Variants in SLC19A1 observed in about 807,000 individuals in gnomAD.
SLC19A1 encodes the protein solute carrier family 19 member 1, also known as reduced folate transporter.
A neutral mutation model predicts 35.3 loss-of-function variants in SLC19A1; 37 were observed. That is an observed-to-expected ratio of 1.05 (90% CI 0.81 to 1.38). The LOEUF is 1.38. Among genes scored for constraint, SLC19A1 ranks in the 40% most tolerant of loss-of-function variants. The pLI is 0.00. For synonymous variants in SLC19A1, 460 were observed against 398.5 expected (o/e 1.15, Z -1.84); for missense variants, 831 against 826.9 (o/e 1.00, Z -0.06).
upstream of SLC19A1, among the ~76,000 whole-genome samples, chr21:45,546,183 C>T (rs2078413841): frequency 6.6e-6 from 1 of 152,248 alleles, no homozygotes; most frequent in South Asian, 2.1e-4. Flanking sequence ...GCCGGGCCAC[C>T]GTCCTCAGCA....
chr21:45,523,006 T>C (rs894102955), intron 5 of SLC19A1, among the ~76,000 whole-genome samples: 7 of 152,186 alleles, frequency 4.6e-5, no homozygotes, highest in Admixed American at 3.9e-4. Flanking sequence ...CCCTGTATTA[T>C]TTATTAAACA....
rs2077988889 is a variant in SLC19A1, at chr21:45,533,102, C to T, written c.190-954G>A. Among the ~76,000 whole-genome samples, 1 of 152,212 alleles carries T rather than the reference C, an allele frequency of 6.6e-6. No homozygotes were observed. The highest frequency in any genetic ancestry group is 2.4e-5 in the African/African-American group (1 of 41,462). On this transcript the variant is annotated intron_variant, in intron 2 of 5. Transcript: ENST00000311124. This position sits in a 1 kb window ranked among gnomAD's most constrained non-coding sequence, Gnocchi z 4.5. ...GGGAGGGGGGCAAACGCCCCTGTAG[C>T]CGCCCTGCACCCTCCCAGGAGGGGG...
At chr21:45,559,626 C>T (rs1239640158) in intron 1 of SLC19A1, among the ~76,000 whole-genome samples, 3 of 152,162 alleles carry the variant, frequency 2.0e-5, no homozygotes, top group South Asian at 2.1e-4. Flanking sequence ...GAGCCCGGGG[C>T]GTGCGGATGG....
At chr21:45,510,316 G>A (rs1602653739), downstream of SLC19A1, 18 of 1,537,292 alleles carry the variant, frequency 1.2e-5, no homozygotes, top group East Asian at 4.4e-4. Context: ...TTGACCTCTG[G>A]GGTGAACTCC....
At chr21:45,541,890 G>T (rs1027554401) in intron 1 of SLC19A1, 1 of 152,204 alleles carries the variant, frequency 6.6e-6, no homozygotes, top group Non-Finnish European at 1.5e-5. Context: ...TGACGCGGAG[G>T]GCAGGCTGGG....
intron 3 of SLC19A1, among the ~76,000 whole-genome samples, chr21:45,503,634 T>C (rs911166223): frequency 1.1e-5 from 1 of 90,344 alleles, no homozygotes; most frequent in Non-Finnish European, 2.1e-5. Context: ...TGGGGACTGT[T>C]GTGGGGTGGG....
chr21:45,525,791 A>G (rs2077590702), intron 5 of SLC19A1, 26 bp downstream of exon 5: 1 of 1,610,898 alleles, frequency 6.2e-7, no homozygotes. Flanking sequence ...TCCATCCCCG[A>G]GGACGCAGGC....
intron 1 of SLC19A1, among the ~76,000 whole-genome samples, chr21:45,562,643 C>T (rs1042885453): frequency 5.3e-5 from 8 of 152,306 alleles, no homozygotes; most frequent in African/African-American, 1.9e-4. Context: ...GGCAGAACCA[C>T]GGTTTCCTAC....
At chr21:45,542,903 T>C (rs2078357198), upstream of SLC19A1, among the ~76,000 whole-genome samples, 1 of 148,426 alleles carries the variant, frequency 6.7e-6, no homozygotes, top group African/African-American at 2.5e-5. Flanking sequence ...GGGACGCGGG[T>C]CGGGCCCACG....
At chr21:45,538,826 C>T (rs2078216941) in intron 1 of SLC19A1, among the ~76,000 whole-genome samples, 1 of 152,170 alleles carries the variant, frequency 6.6e-6, no homozygotes, top group African/African-American at 2.4e-5. Context: ...CACCCCAGAC[C>T]ACAGGACTTC....
intron 1 of SLC19A1, among the ~76,000 whole-genome samples, chr21:45,559,622 G>A (rs549020593): frequency 2.0e-5 from 3 of 152,248 alleles, no homozygotes; most frequent in South Asian, 2.1e-4. Context: ...CCTGGAGCCC[G>A]GGGCGTGCGG....
At chr21:45,558,082 A>G (rs2078581153) in intron 1 of SLC19A1, among the ~76,000 whole-genome samples, 1 of 152,262 alleles carries the variant, frequency 6.6e-6, no homozygotes, top group Non-Finnish European at 1.5e-5. Context: ...CAGCGGCGGC[A>G]TCGTCTCCAA....
Position 45,534,554 on chromosome 21 carries a change from C to T in SLC19A1, c.190-2406G>A, listed in dbSNP as rs772150328. ...CTCACCCACCTCCGAATGAATGGAG[C>T]ATGCCTCATTTCCTCTTCCACCAGG... On this transcript the variant is annotated intron_variant, in intron 2 of 5. Transcript: ENST00000311124. This position sits in a 1 kb window ranked among gnomAD's most constrained non-coding sequence, Gnocchi z 4.2. The T allele has an allele frequency of 6.5e-7, 1 of 1,535,698 alleles. No individual in the cohort carries two copies. Among genetic ancestry groups the T allele is most frequent in the South Asian group, 1.2e-5 (1 of 84,066 alleles).
chr21:45,555,827 G>A (rs1448593019), intron 1 of SLC19A1, among the ~76,000 whole-genome samples: 1 of 152,148 alleles, frequency 6.6e-6, no homozygotes, highest in African/African-American at 2.4e-5. Flanking sequence ...GGTGCCGGGA[G>A]GGGGTCGCGG....
At chr21:45,548,350 G>A (rs2078433599), upstream of SLC19A1, among the ~76,000 whole-genome samples, 1 of 152,220 alleles carries the variant, frequency 6.6e-6, no homozygotes, top group South Asian at 2.1e-4. Context: ...CCACACCTGG[G>A]AGGAAACATT....
At chr21:45,543,538 G>T (rs962384576), upstream of SLC19A1, among the ~76,000 whole-genome samples, 1 of 152,198 alleles carries the variant, frequency 6.6e-6, no homozygotes, top group African/African-American at 2.4e-5. Context: ...GTGTTGCGGG[G>T]GTGCTCTTGG....
intron 5 of SLC19A1, among the ~76,000 whole-genome samples, chr21:45,522,535 C>T (rs762153259): frequency 2.2e-4 from 34 of 152,300 alleles, no homozygotes; most frequent in Non-Finnish European, 4.4e-4. Context: ...CACACAAAAA[C>T]CTATAAAAGA....
intron 3 of SLC19A1, chr21:45,504,529 AGG>A: frequency 1.1e-6 from 1 of 878,286 alleles, no homozygotes; most frequent in Non-Finnish European, 1.7e-6. Context: ...CAGGCCCCCC[AGG>A]CCCACGTGGC....
At chr21:45,535,283 G>A (rs372912801) in intron 2 of SLC19A1, among the ~76,000 whole-genome samples, 2 of 152,354 alleles carry the variant, frequency 1.3e-5, no homozygotes, top group East Asian at 1.9e-4. Context: ...CTCGGCCGGG[G>A]AAAGCGCTCT....
Sources: gnomAD v4.1 joint callset for allele counts (sites outside exome capture counted in the v4.1 genomes callset) on GRCh38, gnomAD v4.1.1 for gene constraint, Gnocchi (gnomAD v3.1) non-coding constraint, MANE v1.5 for transcripts, NCBI Gene and HGNC (gene_info 2026-07-23, HGNC 2026-07-21) for gene names.